Variants in DAB1 observed in about 807,000 individuals in gnomAD.
The protein encoded by DAB1 is disabled homolog 1.
DAB1 carries 15 observed loss-of-function variants against 64.6 expected under a neutral mutation model. That is an observed-to-expected ratio of 0.23 (90% CI 0.16 to 0.36). DAB1 has a LOEUF of 0.36. Ranked by LOEUF, DAB1 falls within the 10% of genes least tolerant of loss-of-function variation. The probability of loss-of-function intolerance (pLI) is 1.00; values close to 1 mark genes in which losing one functional copy is unlikely to be tolerated. For synonymous variants in DAB1, 235 were observed against 251.9 expected, an observed-to-expected ratio of 0.93 and a Z score of 0.64; for missense variants, 596 against 706.7, an observed-to-expected ratio of 0.84 and a Z score of 1.78.
intron 5 of DAB1, among the ~76,000 whole-genome samples, chr1:58,127,606 C>A (rs987943278): frequency 1.3e-5 from 2 of 152,196 alleles, no homozygotes; most frequent in African/African-American, 2.4e-5. Context: ...TAACATTTAA[C>A]TCTTTCATCC....
At chr1:58,249,372 G>T (rs1660696759) in intron 4 of DAB1, among the ~76,000 whole-genome samples, 1 of 151,374 alleles carries the variant, frequency 6.6e-6, no homozygotes, top group Non-Finnish European at 1.5e-5. Context: ...TGAAAGCTCA[G>T]AGAGCCGGGC....
chr1:57,953,345 T>C (rs577054080), intron 5 of DAB1, among the ~76,000 whole-genome samples: 2 of 152,314 alleles, frequency 1.3e-5, no homozygotes, highest in South Asian at 4.2e-4. Flanking sequence ...AGGACATTAA[T>C]GTTAAATTTT....
At position 57,291,879 on chromosome 1, in the gene DAB1, C is replaced by T. The variant is rs17421839; in HGVS notation, c.-136-713G>A. 8.2e-3 allele frequency among the ~76,000 whole-genome samples: 1,243 copies of T among 152,280 alleles called. 32 individuals are homozygous for T. Among genetic ancestry groups the T allele is most frequent in the East Asian group, 0.08 (413 of 5,178 alleles). On this transcript the variant is annotated intron_variant, in intron 1 of 14. Coordinates refer to ENST00000371236, the MANE Select transcript of DAB1 (RefSeq NM_001365792.1). ...TGCTAGGAACAGAATAATGATAATA[C>T]AACCACTTCACTTACAGGTAATATT... is the stretch of plus-strand genomic sequence containing the variant.
intron 5 of DAB1, among the ~76,000 whole-genome samples, chr1:58,017,101 C>T (rs1646751577): frequency 6.6e-6 from 1 of 151,982 alleles, no homozygotes; most frequent in Non-Finnish European, 1.5e-5. Context: ...CATGAAAGCC[C>T]AGGTTCTCCT....
intron 6 of DAB1, among the ~76,000 whole-genome samples, chr1:57,758,328 A>G (rs1247220823): frequency 6.6e-6 from 1 of 152,162 alleles, no homozygotes; most frequent in Admixed American, 6.6e-5. Context: ...AAGTCACACT[A>G]TTATTAAGAT....
At chr1:57,265,883 A>G (rs186223852) in intron 2 of DAB1, among the ~76,000 whole-genome samples, 1 of 152,310 alleles carries the variant, frequency 6.6e-6, no homozygotes, top group African/African-American at 2.4e-5. Flanking sequence ...CTTCTCATGT[A>G]AGCAAACTCA....
At chr1:58,480,836 C>T in intron 3 of DAB1, 2 of 585,338 alleles carry the variant, frequency 3.4e-6, no homozygotes, top group Non-Finnish European at 5.7e-6. Context: ...TAGATAATAT[C>T]TGTAATGTAC....
intron 5 of DAB1, among the ~76,000 whole-genome samples, chr1:57,947,642 C>G (rs907012085): frequency 6.6e-6 from 1 of 151,320 alleles, no homozygotes; most frequent in Admixed American, 6.7e-5. Context: ...GACTCACGTT[C>G]GATGCACCAG....
intron 6 of DAB1, among the ~76,000 whole-genome samples, chr1:57,724,515 A>G (rs1647185992): frequency 6.6e-6 from 1 of 152,160 alleles, no homozygotes; most frequent in African/African-American, 2.4e-5. Flanking sequence ...TAACTTTTGC[A>G]TGCTCCCTGC....
intron 7 of DAB1, among the ~76,000 whole-genome samples, chr1:57,480,393 T>TG (rs1345834708): frequency 3.3e-5 from 5 of 152,306 alleles, no homozygotes; most frequent in South Asian, 2.1e-4. Context: ...CTGCTACACC[T>TG]GCTTGGACTT....
chr1:57,973,142 T>C (rs1402270368), intron 5 of DAB1, among the ~76,000 whole-genome samples: 1 of 152,116 alleles, frequency 6.6e-6, no homozygotes, highest in East Asian at 1.9e-4. Flanking sequence ...ATAGGGAAAT[T>C]TGACACATAG....
rs189071017 is a variant in DAB1, at chr1:57,365,039, A to C, written c.-137+58891T>G. Reference sequence around the variant, plus strand: ...ACTGGGATTTTTATTATTATTGTTCATAAATCATCCACATACGCTATCATA... The same window carrying C: ...ACTGGGATTTTTATTATTATTGTTCCTAAATCATCCACATACGCTATCATA... On this transcript the variant is annotated intron_variant, in intron 1 of 14. Coordinates refer to ENST00000371236, the MANE Select transcript of DAB1 (RefSeq NM_001365792.1). 2.8e-3 allele frequency among the ~76,000 whole-genome samples: 396 copies of C among 141,142 alleles called. 3 individuals carry two copies. Among genetic ancestry groups the C allele is most frequent in the Non-Finnish European group, 4.7e-3 (309 of 65,654 alleles). The allele number at this position is 141,142 out of a possible 152,430, so 92.6% of individuals were successfully genotyped here.
chr1:58,130,817 C>T (rs1160329539), intron 5 of DAB1, among the ~76,000 whole-genome samples: 17 of 151,372 alleles, frequency 1.1e-4, no homozygotes, highest in African/African-American at 3.6e-4. Context: ...GGGTTTCTGC[C>T]GAGAGATCCG....
Position 58,358,929 on chromosome 1 carries a change from TTCTC to T in DAB1, n.258-15530_258-15527del, listed in dbSNP as rs113642363. Among the ~76,000 whole-genome samples, 135 of 107,504 alleles carry T rather than the reference TTCTC, an allele frequency of 1.3e-3. 2 individuals are homozygous for T. Among genetic ancestry groups the T allele is most frequent in the African/African-American group, 3.1e-3 (86 of 27,682 alleles). 70.5% of individuals were successfully genotyped at this position (107,504 alleles called of 152,430 possible). On this transcript the variant is annotated intron_variant and non_coding_transcript_variant, in intron 3 of 20. Transcript: ENST00000485760. ...TGTCTCTCTCCCCCCCTTCCTTTCT[TTCTC>T]TCTCTCTCTCTCTCTCTGTAACACA...
intron 4 of DAB1, among the ~76,000 whole-genome samples, chr1:58,205,890 G>A (rs142047008): frequency 6.6e-6 from 1 of 152,286 alleles, no homozygotes; most frequent in East Asian, 1.9e-4. Flanking sequence ...AGAATCTGAG[G>A]GAACCCAGTT....
intron 2 of DAB1, among the ~76,000 whole-genome samples, chr1:57,260,662 G>C (rs1670115735): frequency 6.6e-6 from 1 of 152,188 alleles, no homozygotes; most frequent in African/African-American, 2.4e-5. Context: ...CCATGGTACA[G>C]ATAAGGCAAC....
intron 7 of DAB1, among the ~76,000 whole-genome samples, chr1:57,637,801 A>G (rs189289681): frequency 2.0e-5 from 3 of 152,238 alleles, no homozygotes; most frequent in African/African-American, 7.2e-5. Flanking sequence ...AAAGGGTAGA[A>G]TATCTCTGTG....
At chr1:58,494,854 A>G (rs563051769) in intron 3 of DAB1, among the ~76,000 whole-genome samples, 117 of 152,338 alleles carry the variant, frequency 7.7e-4, no homozygotes, top group African/African-American at 2.6e-3. Flanking sequence ...TGTGGAAGTC[A>G]GTGTGGCGAT....
chr1:57,984,112 A>T (rs987217560), intron 5 of DAB1, among the ~76,000 whole-genome samples: 1 of 151,656 alleles, frequency 6.6e-6, no homozygotes, highest in African/African-American at 2.4e-5. Context: ...GTTGTAAAAA[A>T]TATCAAGAAA....
Sources: allele counts gnomAD v4.1 joint callset (sites outside exome capture counted in the v4.1 genomes callset), GRCh38; gene constraint gnomAD v4.1.1; transcripts MANE v1.5; gene names NCBI Gene and HGNC (gene_info 2026-07-23, HGNC 2026-07-21).